The following AFF3 variants were observed in gnomAD, a reference collection of about 807,000 sequenced individuals.
AFF3 encodes the protein ALF transcription elongation factor 3, also known as AF4/FMR2 family member 3.
A neutral mutation model predicts 129.7 loss-of-function variants in AFF3; 32 were observed. The observed-to-expected ratio is 0.25, with a 90% confidence interval of 0.19 to 0.33. AFF3 has a LOEUF of 0.33. Among genes scored for constraint, AFF3 ranks in the 10% least tolerant of loss-of-function variants. The probability of loss-of-function intolerance (pLI) is 1.00; values close to 1 mark genes in which losing one functional copy is unlikely to be tolerated. For missense variants in AFF3, 1,373 were observed against 1,592.0 expected, an observed-to-expected ratio of 0.86 and a Z score of 2.34; for synonymous variants, 644 against 635.4, an observed-to-expected ratio of 1.01 and a Z score of -0.20.
At chr2:99,683,303 A>T (rs1380499617) in intron 11 of AFF3, among the ~76,000 whole-genome samples, 3 of 152,216 alleles carry the variant, frequency 2.0e-5, no homozygotes, top group Non-Finnish European at 2.9e-5. Flanking sequence ...CCTCCTAGGA[A>T]TGTTGTAGAA....
chr2:99,564,877 A>G (rs574600029), intron 20 of AFF3, among the ~76,000 whole-genome samples: 15 of 152,318 alleles, frequency 9.8e-5, no homozygotes, highest in Non-Finnish European at 1.9e-4. Flanking sequence ...CAGTAGGGCT[A>G]ATGGATGAAA....
chr2:100,091,329 A>G (rs1000598926), intron 4 of AFF3, among the ~76,000 whole-genome samples: 4 of 152,232 alleles, frequency 2.6e-5, no homozygotes, highest in Non-Finnish European at 5.9e-5. Flanking sequence ...TTTCCAAGGA[A>G]AATCTGCCAT....
intron 4 of AFF3, among the ~76,000 whole-genome samples, chr2:100,039,011 A>G (rs1196320961): frequency 6.6e-6 from 1 of 152,166 alleles, no homozygotes; most frequent in Admixed American, 6.5e-5. Context: ...GGTGTGACCC[A>G]CCATGCCCAG....
At chr2:99,705,979 C>T (rs1198949463) in intron 11 of AFF3, among the ~76,000 whole-genome samples, 4 of 150,150 alleles carry the variant, frequency 2.7e-5, no homozygotes, top group Non-Finnish European at 5.9e-5. Flanking sequence ...ACATCAAAAT[C>T]GATTAAGAAA....
chr2:100,008,879 T>C lies in AFF3; in HGVS notation c.107A>G (p.Asn36Ser). 6.2e-7 allele frequency: 1 copy of C among 1,614,104 alleles called. No individual in the cohort carries two copies. The highest frequency in any genetic ancestry group is 2.2e-5 in the East Asian group (1 of 44,888). The change falls in exon 5 of 25, where the codon AAT becomes AGT. Residue 36 changes from asparagine (N) to serine (S), a missense_variant. Physicochemically the swap from Asn to Ser is conservative, Grantham distance 46 (BLOSUM62 1). Transcript: ENST00000672756. ...ALRRKERERR[N>S]QETQQDDGTF... ...GCCATCATCCTGTTGAGTTTCTTGA[T>C]TTCTTCTTTCTCGTTCTTTCCTCCG... is the stretch of plus-strand genomic sequence containing the variant.
chr2:99,813,495 C>G (rs1481529016), intron 8 of AFF3, among the ~76,000 whole-genome samples: 1 of 152,132 alleles, frequency 6.6e-6, no homozygotes, highest in Non-Finnish European at 1.5e-5. Context: ...GAAACCTGAC[C>G]TGGAGTACAT....
intron 7 of AFF3, among the ~76,000 whole-genome samples, chr2:99,907,964 C>T (rs887024940): frequency 4.6e-5 from 7 of 152,154 alleles, no homozygotes; most frequent in Non-Finnish European, 7.3e-5. Flanking sequence ...TGAGTACTGG[C>T]CTATGACCAT....
intron 4 of AFF3, among the ~76,000 whole-genome samples, chr2:100,010,235 T>A (rs989914543): frequency 3.9e-5 from 6 of 152,228 alleles, no homozygotes; most frequent in Admixed American, 6.5e-5. Context: ...AAAGGATCTG[T>A]GGGTTCAAAG....
chr2:99,751,583 C>G (rs1681659495), intron 9 of AFF3, among the ~76,000 whole-genome samples: 1 of 152,148 alleles, frequency 6.6e-6, no homozygotes, highest in Non-Finnish European at 1.5e-5. Flanking sequence ...TAATCTCTGG[C>G]TTGGAGTGCC....
chr2:99,681,625 C>T (rs1052332500), intron 11 of AFF3, among the ~76,000 whole-genome samples: 3 of 152,144 alleles, frequency 2.0e-5, no homozygotes, highest in Non-Finnish European at 2.9e-5. Flanking sequence ...AGAGCTCTTT[C>T]GACTTTGTGT....
intron 7 of AFF3, among the ~76,000 whole-genome samples, chr2:99,895,092 T>C (rs1368911087): frequency 1.3e-5 from 2 of 152,376 alleles, no homozygotes; most frequent in East Asian, 1.9e-4. Context: ...CACGATTTAC[T>C]GAACTTCTTC....
chr2:99,608,705 C>T (rs1283086799), intron 13 of AFF3, among the ~76,000 whole-genome samples: 2 of 152,122 alleles, frequency 1.3e-5, no homozygotes, highest in Non-Finnish European at 2.9e-5. Flanking sequence ...TATCTCTGTA[C>T]CTGGAAACAA....
intron 7 of AFF3, among the ~76,000 whole-genome samples, chr2:99,860,588 C>A (rs1021140187): frequency 6.7e-6 from 1 of 150,172 alleles, no homozygotes; most frequent in Non-Finnish European, 1.5e-5. Context: ...ATTAGCCAGG[C>A]GTGGTGGTGT....
intron 7 of AFF3, among the ~76,000 whole-genome samples, chr2:99,920,916 T>G (rs1368479447): frequency 6.6e-6 from 1 of 152,022 alleles, no homozygotes; most frequent in South Asian, 2.1e-4. Context: ...AAATACATAC[T>G]TGGGGATAAA....
At chr2:100,016,547 G>A (rs931780211) in intron 4 of AFF3, among the ~76,000 whole-genome samples, 4 of 150,606 alleles carry the variant, frequency 2.7e-5, no homozygotes, top group African/African-American at 9.9e-5. Context: ...TGGTGGTAGC[G>A]ATGGTGATAG....
intron 7 of AFF3, among the ~76,000 whole-genome samples, chr2:99,969,329 T>C (rs1576452292): frequency 6.6e-6 from 1 of 152,224 alleles, no homozygotes; most frequent in African/African-American, 2.4e-5. Flanking sequence ...GGTATGAAGA[T>C]CCATGTTTGG....
chr2:100,061,546 G>A (rs1159988243), intron 4 of AFF3, among the ~76,000 whole-genome samples: 1 of 152,154 alleles, frequency 6.6e-6, no homozygotes, highest in African/African-American at 2.4e-5. Flanking sequence ...AGGAGTCAGA[G>A]AAAGGAGAAA....
intron 4 of AFF3, among the ~76,000 whole-genome samples, chr2:100,097,818 G>GT (rs1690392909): frequency 1.4e-5 from 2 of 138,230 alleles, no homozygotes; most frequent in Middle Eastern, 3.4e-3. Flanking sequence ...TAGTACCACC[G>GT]TAAGTAAGAG....
chr2:99,788,388 G>A (rs540964826), intron 8 of AFF3, among the ~76,000 whole-genome samples: 2 of 152,170 alleles, frequency 1.3e-5, no homozygotes, highest in Non-Finnish European at 2.9e-5. Context: ...GTGGAGGGCT[G>A]TGATGTCGAT....
Sources: gnomAD v4.1 joint callset for allele counts (sites outside exome capture counted in the v4.1 genomes callset) on GRCh38, gnomAD v4.1.1 for gene constraint, MANE v1.5 for transcripts, NCBI Gene and HGNC (gene_info 2026-07-23, HGNC 2026-07-21) for gene names.